The following SLC1A5 variants were observed in gnomAD, a reference collection of about 807,000 sequenced individuals.
SLC1A5 encodes neutral amino acid transporter B(0).
A neutral mutation model predicts 34.9 loss-of-function variants in SLC1A5; 25 were observed. The ratio of observed to expected loss-of-function variants is 0.72; its 90% CI spans 0.52 to 1.00. SLC1A5 has a LOEUF of 1.00. Ranked by LOEUF, SLC1A5 falls within the 50% of genes least tolerant of loss-of-function variation. The pLI is 0.00. For synonymous variants in SLC1A5, 351 were observed against 341.2 expected (o/e 1.03, Z -0.32); for missense variants, 637 against 740.0 (o/e 0.86, Z 1.61).
In SLC1A5 at chr19:46,775,624, C is replaced by A; in HGVS notation, c.1512G>T (p.Glu504Asp). Residue 504 changes from glutamate (E) to aspartate (D), a missense_variant, in exon 8 of 8, where the codon GAG becomes GAT. Transcript: ENST00000542575. The stretch of plus-strand genomic sequence containing the variant: ...GGACTGGCAGCGGATCCAGGGGCAG[C>A]TCACTCTTCACTTGTATCAACTCAG... ...TEPELIQVKS[E>D]LPLDPLPVPT... is the part of the protein sequence containing the mutation. 3 of 1,614,148 alleles carry A rather than the reference C, an allele frequency of 1.9e-6. No homozygotes were observed. The South Asian group carries it at 3.3e-5, about 18-fold the overall frequency.
In SLC1A5 at chr19:46,784,565, G is replaced by T; in HGVS notation, c.567-6C>A. On this transcript the variant is annotated splice_polypyrimidine_tract_variant and splice_region_variant and intron_variant, in intron 1 of 7. Transcript: ENST00000542575. The stretch of plus-strand genomic sequence containing the variant: ...GGTTGGAAGGGAAGATATTTCTGCA[G>T]AGACAGACACACAGAGGGTTATTAG... 6.2e-7 allele frequency: 1 copy of T among 1,614,146 alleles called. No homozygotes were observed. Among genetic ancestry groups the T allele is most frequent in the Non-Finnish European group, 8.5e-7 (1 of 1,180,048 alleles).
At chr19:46,784,428 A>C in intron 2 of SLC1A5, 89 bp downstream of exon 2, 1 of 1,494,724 alleles carries the variant, frequency 6.7e-7, no homozygotes, top group African/African-American at 1.4e-5. Context: ...TTTTCCAGGA[A>C]CTAACCAAAA....
chr19:46,786,659 C>T (rs953007289), intron 1 of SLC1A5, among the ~76,000 whole-genome samples: 5 of 152,074 alleles, frequency 3.3e-5, no homozygotes, highest in African/African-American at 1.2e-4. Context: ...GGGGCCTCTG[C>T]CCCCCGCCCT....
chr19:46,777,341 TG>T lies in SLC1A5; in HGVS notation c.1122del (p.Ser375AlafsTer38), dbSNP rs1300555316. Reference protein sequence around the residue: ...VEENNGVAKHISRFILPIGAT... With the variant: ...VEENNGVAKHXSRFILPIGAT... ...GCGCCGATGGGCAGGATGAAACGGC[TG>T]ATGTGCTTGGCCACGCCATTATTCT... On this transcript the variant is annotated frameshift_variant, in exon 6 of 8. Transcript: ENST00000542575. LOFTEE classifies it high-confidence loss of function. 2 of 1,613,786 alleles carry T rather than the reference TG, an allele frequency of 1.2e-6. No homozygotes were observed. The highest frequency in any genetic ancestry group is 1.7e-6 in the Non-Finnish European group (2 of 1,179,980).
In SLC1A5 at chr19:46,783,256, GAGTT is replaced by G. The variant is rs1599733843; in HGVS notation, c.658-711_658-708del. On this transcript the variant is annotated intron_variant, in intron 3 of 7. Transcript: ENST00000542575. ...AGGTGGGCAGATCACCTGAGGTGGG[GAGTT>G]CCAGACCACACTGACCAACATGGAG... is the stretch of plus-strand genomic sequence containing the variant. 2.6e-5 allele frequency among the ~76,000 whole-genome samples: 4 copies of G among 151,956 alleles called. No individual in the cohort carries two copies. In the East Asian group the frequency reaches 7.7e-4, roughly 29 times the overall value.
Position 46,784,094 on chromosome 19 carries a change from C to T in SLC1A5, c.657+3G>A, listed in dbSNP as rs1414386124. 9 of 1,612,642 alleles carry T rather than the reference C, an allele frequency of 5.6e-6. No homozygotes were observed. The highest frequency in any genetic ancestry group is 7.6e-6 in the Non-Finnish European group (9 of 1,178,916). ...AGCCCCCGCTGCCTCCCACTGCTCT[C>T]ACCTTCACCCTGGTTCCGGTGATAT... is the stretch of plus-strand genomic sequence containing the variant. On this transcript the variant is annotated splice_donor_region_variant and intron_variant, in intron 3 of 7. Transcript: ENST00000542575.
chr19:46,782,346 A>ACCCCACCCACCCCCCACCCCCCCCCC, intron 4 of SLC1A5, 37 bp downstream of exon 4: 1 of 567,986 alleles, frequency 1.8e-6, no homozygotes. Flanking sequence ...CGACCCTCCA[A>ACCCCACCCACCCCCCACCCCCCCCCC]CCCCACCCAC....
chr19:46,786,845 G>A (rs911493200), intron 1 of SLC1A5, among the ~76,000 whole-genome samples: 11 of 152,158 alleles, frequency 7.2e-5, no homozygotes, highest in Non-Finnish European at 1.5e-5. Flanking sequence ...AAAGATAAAG[G>A]GGAAGCGGCC....
intron 4 of SLC1A5, among the ~76,000 whole-genome samples, chr19:46,781,875 T>TA (rs1221145394): frequency 6.6e-6 from 1 of 152,194 alleles, no homozygotes; most frequent in Admixed American, 6.5e-5. Context: ...GGCACTGTCC[T>TA]AAGACCTTCC....
intron 7 of SLC1A5, 47 bp downstream of exon 7, chr19:46,776,928 C>G: frequency 6.3e-7 from 1 of 1,576,958 alleles, no homozygotes; most frequent in South Asian, 1.1e-5. Context: ...CATCCTCTTT[C>G]CCAGGGGTAC....
Position 46,778,726 on chromosome 19 carries a change from A to G in SLC1A5, c.1007T>C (p.Phe336Ser), listed in dbSNP as rs1568428357. 1 of 1,517,722 alleles carries G rather than the reference A, an allele frequency of 6.6e-7. No individual in the cohort carries two copies. The highest frequency in any genetic ancestry group is 8.9e-7 in the Non-Finnish European group (1 of 1,121,854). The allele number at this position is 1,517,722 out of a possible 1,614,324, so 94.0% of individuals were successfully genotyped here. A position where few individuals can be genotyped will look rare whatever the true frequency, so the allele number is the denominator to read the frequency against. The change falls in exon 5 of 8, where the codon TTC becomes TCC. Residue 336 changes from phenylalanine (F) to serine (S), a missense_variant. Coordinates refer to ENST00000542575, the MANE Select transcript of SLC1A5 (RefSeq NM_005628.3). Reference sequence around the variant, plus strand: ...CAGCGGCGTCACGATGCCCCACAGGAAGCGGTAGGGGTTTTTGCGGGTGAA... The same window carrying G: ...CAGCGGCGTCACGATGCCCCACAGGGAGCGGTAGGGGTTTTTGCGGGTGAA... ...FLFTRKNPYRFLWGIVTPLAT... is the reference protein window; with the variant it reads ...FLFTRKNPYRSLWGIVTPLAT...
At chr19:46,782,658 C>A in intron 3 of SLC1A5, 109 bp from the exon 4 acceptor site, 1 of 1,275,310 alleles carries the variant, frequency 7.8e-7, no homozygotes, top group Admixed American at 2.2e-5. Flanking sequence ...AGGCAGCCCT[C>A]AGACCCCTTC....
Position 46,787,649 on chromosome 19 carries a change from G to T in SLC1A5, c.317C>A (p.Pro106Gln). The T allele has an allele frequency of 6.3e-7, 1 of 1,587,508 alleles. No individual in the cohort carries two copies. ...GCCGATCAAGCTGCACACCACCAGC[G>T]GCAAGATGATCATCCGCAGCAGACG... ...LLRLLRMIIL[P>Q]LVVCSLIGGA... is the part of the protein sequence containing the mutation. The change falls in exon 1 of 8, where the codon CCG (proline) becomes CAG (glutamine). Residue 106 changes from proline (P) to glutamine (Q), a missense_variant. Transcript: ENST00000542575. The surrounding 1 kb of genome is among the most constrained non-coding windows in gnomAD (Gnocchi z 5.2).
chr19:46,786,938 C>A lies in SLC1A5; in HGVS notation c.566+462G>T, dbSNP rs2055190790. Among the ~76,000 whole-genome samples, 3 of 152,114 alleles carry A rather than the reference C, an allele frequency of 2.0e-5. No individual in the cohort carries two copies. The South Asian group carries it at 6.2e-4, about 31-fold the overall frequency. ...GAGTGACACGTGGTGTGGGGGTGCC[C>A]CAGGGCTGGGAAGAGGGCCTGGTGG... is the stretch of plus-strand genomic sequence containing the variant. On this transcript the variant is annotated intron_variant, in intron 1 of 7. Coordinates refer to ENST00000542575, the MANE Select transcript of SLC1A5 (RefSeq NM_005628.3).
At chr19:46,786,221 C>T (rs894517274) in intron 1 of SLC1A5, among the ~76,000 whole-genome samples, 2 of 152,080 alleles carry the variant, frequency 1.3e-5, no homozygotes, top group Admixed American at 1.3e-4. Flanking sequence ...TGTGTATGAC[C>T]GCTGGTATCT....
intron 4 of SLC1A5, among the ~76,000 whole-genome samples, chr19:46,780,045 G>C (rs774935478): frequency 2.0e-5 from 3 of 152,106 alleles, no homozygotes; most frequent in Non-Finnish European, 4.4e-5. Flanking sequence ...GTAGAGACAG[G>C]GTTTTTCTGT....
chr19:46,778,655 A>T lies in SLC1A5; in HGVS notation c.1058+20T>A. The stretch of plus-strand genomic sequence containing the variant: ...CTTAGCGGATTAAACATCCCACCCT[A>T]GCCCACCCCAAGGCCGTACCTGGAA... On this transcript the variant is annotated intron_variant, in intron 5 of 7. Coordinates refer to ENST00000542575, the MANE Select transcript of SLC1A5 (RefSeq NM_005628.3). The T allele has an allele frequency of 7.9e-7, 1 of 1,263,342 alleles. No individual in the cohort carries two copies. The highest frequency in any genetic ancestry group is 1.1e-6 in the Non-Finnish European group (1 of 872,034). 78.3% of individuals were successfully genotyped at this position (1,263,342 alleles called of 1,614,324 possible). A position where few individuals can be genotyped will look rare whatever the true frequency, so the allele number is the denominator to read the frequency against.
intron 4 of SLC1A5, 37 bp downstream of exon 4, chr19:46,782,346 A>ACCCCACCCCCCCCCCCCCCCCCCCCC: frequency 1.8e-6 from 1 of 567,986 alleles, no homozygotes; most frequent in Non-Finnish European, 3.2e-6. Flanking sequence ...CGACCCTCCA[A>ACCCCACCCCCCCCCCCCCCCCCCCCC]CCCCACCCAC....
In SLC1A5 at chr19:46,782,682, CA is replaced by C. The variant is rs113760200; in HGVS notation, c.658-134del. ...TCAGACCCCTTCCTCCCAAGGCTCC[CA>C]GTCCAGGTCCAGGGGAAATATATTA... On this transcript the variant is annotated intron_variant, in intron 3 of 7. Coordinates refer to ENST00000542575, the MANE Select transcript of SLC1A5 (RefSeq NM_005628.3). 2.6e-3 allele frequency: 2,542 copies of C among 980,298 alleles called. 46 individuals carry two copies. In the African/African-American group the frequency reaches 0.037, roughly 14 times the overall value. The allele number at this position is 980,298 out of a possible 1,614,324, so 60.7% of individuals were successfully genotyped here.
Sources: gnomAD v4.1 joint callset for allele counts (sites outside exome capture counted in the v4.1 genomes callset) on GRCh38, gnomAD v4.1.1 for gene constraint, Gnocchi (gnomAD v3.1) non-coding constraint, MANE v1.5 for transcripts, NCBI Gene and HGNC (gene_info 2026-07-23, HGNC 2026-07-21) for gene names.